The following PHACTR3 variants were observed in gnomAD, a reference collection of about 807,000 sequenced individuals.
PHACTR3 encodes protein phosphatase 1, regulatory subunit 123.
Under a neutral mutation model 66.8 loss-of-function variants are expected in PHACTR3, and 16 were observed. The observed-to-expected ratio is 0.24, with a 90% CI of 0.16 to 0.36. PHACTR3 has a LOEUF of 0.36. Ranked by LOEUF, PHACTR3 falls within the 10% of genes least tolerant of loss-of-function variation. The probability of loss-of-function intolerance (pLI) is 1.00; values close to 1 mark genes in which losing one functional copy is unlikely to be tolerated. For synonymous variants in PHACTR3, 323 were observed against 292.1 expected (o/e 1.11, Z -1.08); for missense variants, 647 against 719.9 (o/e 0.90, Z 1.16).
intron 11 of PHACTR3, 110 bp downstream of exon 11, chr20:59,841,645 G>T: frequency 9.2e-7 from 1 of 1,092,258 alleles, no homozygotes; most frequent in South Asian, 2.2e-5. Context: ...CTATTTAAGG[G>T]TATACTGCAG....
At chr20:59,811,957 G>T (rs1246240986) in intron 8 of PHACTR3, among the ~76,000 whole-genome samples, 1 of 152,192 alleles carries the variant, frequency 6.6e-6, no homozygotes, top group Non-Finnish European at 1.5e-5. Context: ...TCAGCAGGGG[G>T]TGCTGGGGCC....
At chr20:59,687,849 A>G (rs1163931414) in intron 1 of PHACTR3, among the ~76,000 whole-genome samples, 1 of 152,078 alleles carries the variant, frequency 6.6e-6, no homozygotes, top group East Asian at 1.9e-4. Flanking sequence ...TGAAAATCAC[A>G]TCACATGGGG....
chr20:59,709,092 G>A (rs1274962347), intron 1 of PHACTR3, among the ~76,000 whole-genome samples: 1 of 152,160 alleles, frequency 6.6e-6, no homozygotes, highest in Non-Finnish European at 1.5e-5. Context: ...GTATGAGCAG[G>A]TGTCTCAGCC....
chr20:59,718,264 A>G (rs1352975722), intron 1 of PHACTR3, among the ~76,000 whole-genome samples: 1 of 151,618 alleles, frequency 6.6e-6, no homozygotes, highest in Non-Finnish European at 1.5e-5. Context: ...ACCCAGAGCC[A>G]CCAGTTCCTC....
At chr20:59,785,969 T>A (rs935544004) in intron 7 of PHACTR3, among the ~76,000 whole-genome samples, 2 of 152,222 alleles carry the variant, frequency 1.3e-5, no homozygotes, top group Non-Finnish European at 2.9e-5. Context: ...AGCACTAGAC[T>A]TTTCTGTTTA....
At chr20:59,725,887 C>T (rs529761589) in intron 1 of PHACTR3, among the ~76,000 whole-genome samples, 2 of 152,274 alleles carry the variant, frequency 1.3e-5, no homozygotes, top group South Asian at 2.1e-4. Context: ...GGGGCAAAAG[C>T]ACATGGGAGC....
chr20:59,816,807 A>G lies in PHACTR3; in HGVS notation c.1328+10613A>G, dbSNP rs117091041. Among the ~76,000 whole-genome samples, 40 of 152,304 alleles carry G rather than the reference A, an allele frequency of 2.6e-4. No individual in the cohort carries two copies. In the East Asian group the frequency reaches 2.9e-3, roughly 11 times the overall value. ...GCCATCTGGATGGTGGGATGATTGA[A>G]CAGGTTAATGGCTGCTGGGGTAATT... On this transcript the variant is annotated intron_variant, in intron 8 of 12. Transcript: ENST00000371015.
chr20:59,787,215 G>A (rs992568068), intron 7 of PHACTR3, among the ~76,000 whole-genome samples: 4 of 152,228 alleles, frequency 2.6e-5, no homozygotes, highest in Non-Finnish European at 4.4e-5. Context: ...TAACTTCTTG[G>A]TGAGTATGTA....
chr20:59,842,217 T>A (rs746756926), intron 11 of PHACTR3, among the ~76,000 whole-genome samples: 1 of 152,204 alleles, frequency 6.6e-6, no homozygotes, highest in Non-Finnish European at 1.5e-5. Flanking sequence ...CTGGCAAGAT[T>A]TAAGCCCAAG....
chr20:59,805,984 G>T (rs536032943), intron 7 of PHACTR3, 57 bp from the exon 8 acceptor site: 66 of 1,561,396 alleles, frequency 4.2e-5, no homozygotes, highest in Non-Finnish European at 5.4e-5. Context: ...CCAGCCCTCC[G>T]CTAAGACCTG....
At chr20:59,612,378 C>G (rs1360196119) in intron 1 of PHACTR3, among the ~76,000 whole-genome samples, 1 of 148,016 alleles carries the variant, frequency 6.8e-6, no homozygotes, top group Non-Finnish European at 1.5e-5. Context: ...TTTTTTTTTC[C>G]AGGACAGTGT....
chr20:59,658,114 TTTAA>T (rs1389698726), intron 1 of PHACTR3, among the ~76,000 whole-genome samples: 1 of 152,186 alleles, frequency 6.6e-6, no homozygotes, highest in Non-Finnish European at 1.5e-5. Flanking sequence ...AATTTTGAAC[TTTAA>T]TTATTATAAT....
chr20:59,787,037 C>T (rs1020133163), intron 7 of PHACTR3, among the ~76,000 whole-genome samples: 6 of 152,096 alleles, frequency 3.9e-5, no homozygotes, highest in African/African-American at 1.4e-4. Flanking sequence ...GGAAATCATG[C>T]AGAGTGGAAG....
chr20:59,714,515 G>A lies in PHACTR3; in HGVS notation c.119-28592G>A, dbSNP rs1461622949. On this transcript the variant is annotated intron_variant, in intron 1 of 12. Transcript: ENST00000371015. ...CAGTACACTGCGTGGGTCTATTTCT[G>A]GGCTCCATGTTCTGTTCCATTGGCC... Among the ~76,000 whole-genome samples the A allele has an allele frequency of 2.0e-5, 3 of 152,248 alleles. No individual in the cohort carries two copies. In the South Asian group the frequency reaches 6.2e-4, roughly 32 times the overall value.
chr20:59,740,586 T>C (rs112196386), intron 1 of PHACTR3, among the ~76,000 whole-genome samples: 4 of 152,366 alleles, frequency 2.6e-5, no homozygotes, highest in African/African-American at 7.2e-5. Context: ...CATGAGCCAC[T>C]GTACTGGCCT....
chr20:59,667,058 C>T (rs1342295039), intron 1 of PHACTR3, among the ~76,000 whole-genome samples: 2 of 152,156 alleles, frequency 1.3e-5, no homozygotes, highest in African/African-American at 2.4e-5. Context: ...TGACAAGTAA[C>T]GTGGGACACA....
chr20:59,681,025 T>C (rs75520078), intron 1 of PHACTR3, among the ~76,000 whole-genome samples: 4,283 of 152,354 alleles, frequency 0.028, 80 homozygotes, highest in Middle Eastern at 0.065. Context: ...AAAGTTGAAT[T>C]ATGCCAGTTA....
chr20:59,740,974 G>A (rs968953538), intron 1 of PHACTR3, among the ~76,000 whole-genome samples: 2 of 152,228 alleles, frequency 1.3e-5, no homozygotes. Context: ...TGGGAAATGC[G>A]GGAGTGTGAC....
At chr20:59,642,751 T>C (rs2035148820) in intron 1 of PHACTR3, among the ~76,000 whole-genome samples, 2 of 152,176 alleles carry the variant, frequency 1.3e-5, no homozygotes, top group Non-Finnish European at 2.9e-5. Context: ...GCTAAATTCC[T>C]AGAAGCTGGA....
Sources: allele counts gnomAD v4.1 joint callset (sites outside exome capture counted in the v4.1 genomes callset), GRCh38; gene constraint gnomAD v4.1.1; transcripts MANE v1.5; gene names NCBI Gene and HGNC (gene_info 2026-07-23, HGNC 2026-07-21).